Variants in KANSL1L observed in about 807,000 individuals in gnomAD.
KANSL1L encodes the protein KAT8 regulatory NSL complex subunit 1 like.
In KANSL1L, 25 loss-of-function variants were observed where a neutral mutation model predicts 108.6. The observed-to-expected ratio is 0.23, with a 90% CI of 0.17 to 0.32. The LOEUF (loss-of-function observed/expected upper bound fraction) is 0.32. Ranked by LOEUF, KANSL1L falls within the 10% of genes least tolerant of loss-of-function variation. The probability of loss-of-function intolerance (pLI) is 1.00; values close to 1 mark genes in which losing one functional copy is unlikely to be tolerated. For synonymous variants in KANSL1L, 405 were observed against 395.1 expected, an observed-to-expected ratio of 1.03 and a Z score of -0.30; for missense variants, 1,137 against 1,125.7, an observed-to-expected ratio of 1.01 and a Z score of -0.14.
At chr2:210,084,731 A>G (rs570845040) in intron 5 of KANSL1L, among the ~76,000 whole-genome samples, 12 of 152,104 alleles carry the variant, frequency 7.9e-5, no homozygotes, top group Admixed American at 2.0e-4. Context: ...CTCCTGCCTC[A>G]GCCTCCCAAG....
chr2:210,171,885 C>G (rs1462071480), upstream of KANSL1L: 1 of 151,972 alleles, frequency 6.6e-6, no homozygotes, highest in Non-Finnish European at 1.5e-5. Context: ...CGTGCGTTTG[C>G]TTTTATTTGG....
Position 210,075,582 on chromosome 2 carries a change from T to C in KANSL1L, c.1725A>G (p.Arg575=). The change falls in exon 6 of 15, where the codon AGA becomes AGG. Residue 575 remains arginine (R), a synonymous_variant. Transcript: ENST00000281772. ...GAGTCCAATAAAAAGTAGGGCTCAA[T>C]CTGTACAGTTTTCGTTTGTGGAAAC... ...LQSFHKRKLY[R]LSPTFYWTPQ... 1 of 1,614,076 alleles carries C rather than the reference T, an allele frequency of 6.2e-7. No individual in the cohort carries two copies. The highest frequency in any genetic ancestry group is 1.1e-5 in the South Asian group (1 of 91,082).
At chr2:210,026,723 G>T (rs962821295) in intron 12 of KANSL1L, among the ~76,000 whole-genome samples, 39 of 152,238 alleles carry the variant, frequency 2.6e-4, no homozygotes, top group African/African-American at 9.4e-4. Context: ...GGATATTCAC[G>T]TAAATTCAGT....
intron 5 of KANSL1L, among the ~76,000 whole-genome samples, chr2:210,082,789 TAAGTAA>T (rs1446021303): frequency 1.3e-5 from 2 of 152,120 alleles, no homozygotes; most frequent in African/African-American, 2.4e-5. Flanking sequence ...TTAAACTACT[TAAGTAA>T]AAGTAGAAAT....
chr2:210,154,688 G>T, intron 1 of KANSL1L, 77 bp from the exon 2 acceptor site: 1 of 810,078 alleles, frequency 1.2e-6, no homozygotes, highest in Non-Finnish European at 1.7e-6. Context: ...AGGGCAACAT[G>T]TTCAATGTTT....
At chr2:210,048,097 CAGT>C (rs2094245334) in intron 6 of KANSL1L, among the ~76,000 whole-genome samples, 2 of 152,318 alleles carry the variant, frequency 1.3e-5, no homozygotes, top group African/African-American at 4.8e-5. Flanking sequence ...TGTGCAGCCT[CAGT>C]ATTCATCAAA....
At chr2:210,095,873 C>A (rs1025502564) in intron 5 of KANSL1L, among the ~76,000 whole-genome samples, 1 of 151,874 alleles carries the variant, frequency 6.6e-6, no homozygotes, top group Non-Finnish European at 1.5e-5. Flanking sequence ...GATATTTTGA[C>A]AACAAATGGG....
At chr2:210,130,298 C>A (rs764170361) in intron 2 of KANSL1L, among the ~76,000 whole-genome samples, 2 of 152,160 alleles carry the variant, frequency 1.3e-5, no homozygotes, top group Non-Finnish European at 2.9e-5. Context: ...ACTTTCCATT[C>A]AGTTTTGCTG....
At chr2:210,069,162 C>T (rs1204138437) in intron 6 of KANSL1L, among the ~76,000 whole-genome samples, 1 of 152,146 alleles carries the variant, frequency 6.6e-6, no homozygotes, top group Non-Finnish European at 1.5e-5. Flanking sequence ...TTCTATTTTC[C>T]ACCTCACAGT....
chr2:210,163,846 C>T lies in KANSL1L; in HGVS notation c.-30+7303G>A, dbSNP rs555591571. ...CATGAAGGCAGGTGTTATGTGTTCACTCATCATCGTATTCTAGAATATTTT... is the reference window on the plus strand; with the variant it reads ...CATGAAGGCAGGTGTTATGTGTTCATTCATCATCGTATTCTAGAATATTTT... On this transcript the variant is annotated intron_variant, in intron 1 of 14. Transcript: ENST00000281772. Among the ~76,000 whole-genome samples, 3 of 152,178 alleles carry T rather than the reference C, an allele frequency of 2.0e-5. No individual in the cohort carries two copies. In the South Asian group the frequency reaches 6.2e-4, roughly 32 times the overall value.
intron 5 of KANSL1L, among the ~76,000 whole-genome samples, chr2:210,084,716 C>T (rs949025394): frequency 1.3e-5 from 2 of 152,014 alleles, no homozygotes; most frequent in Admixed American, 1.3e-4. Context: ...CAGGATCAAG[C>T]AATTCTCCTG....
At chr2:210,165,355 T>A (rs1687882150) in intron 1 of KANSL1L, among the ~76,000 whole-genome samples, 1 of 152,132 alleles carries the variant, frequency 6.6e-6, no homozygotes, top group Non-Finnish European at 1.5e-5. Context: ...CCGGTTTTTT[T>A]AAGAAGTCTT....
intron 2 of KANSL1L, among the ~76,000 whole-genome samples, chr2:210,133,634 A>G (rs1337041870): frequency 1.3e-5 from 2 of 151,880 alleles, no homozygotes; most frequent in Non-Finnish European, 2.9e-5. Context: ...TTTAAGTAGG[A>G]GACTTAGACC....
chr2:210,155,369 G>A (rs1038074371), intron 1 of KANSL1L: 10 of 152,132 alleles, frequency 6.6e-5, no homozygotes, highest in African/African-American at 1.7e-4. Flanking sequence ...CAGAGATCAC[G>A]CCAATGCACT....
chr2:210,040,926 C>T (rs994541290), intron 7 of KANSL1L, among the ~76,000 whole-genome samples: 8 of 152,084 alleles, frequency 5.3e-5, no homozygotes, highest in African/African-American at 1.9e-4. Context: ...CCATTCCATC[C>T]CATCCCTACA....
intron 1 of KANSL1L, among the ~76,000 whole-genome samples, chr2:210,167,164 G>C (rs1194028884): frequency 6.6e-6 from 1 of 151,996 alleles, no homozygotes; most frequent in Non-Finnish European, 1.5e-5. Flanking sequence ...AGGAATTAAT[G>C]GAAAGTAGGA....
intron 13 of KANSL1L, among the ~76,000 whole-genome samples, 200 bp from the exon 14 acceptor site, chr2:210,024,401 C>T (rs998044790): frequency 2.0e-5 from 3 of 151,928 alleles, no homozygotes; most frequent in South Asian, 2.1e-4. Context: ...AATATTTTAC[C>T]GAATTATAAC....
At chr2:210,098,615 A>G (rs537784258) in intron 4 of KANSL1L, among the ~76,000 whole-genome samples, 27 of 152,206 alleles carry the variant, frequency 1.8e-4, no homozygotes, top group African/African-American at 6.3e-4. Context: ...TTTACAACTA[A>G]CCAGCAAAGA....
At chr2:210,156,994 A>AG (rs961052648) in intron 1 of KANSL1L, among the ~76,000 whole-genome samples, 29 of 151,780 alleles carry the variant, frequency 1.9e-4, no homozygotes, top group African/African-American at 7.0e-4. Context: ...ATGCAAAAAA[A>AG]AAAAGAAAAA....
Sources: allele counts gnomAD v4.1 joint callset (sites outside exome capture counted in the v4.1 genomes callset), GRCh38; gene constraint gnomAD v4.1.1; transcripts MANE v1.5; gene names NCBI Gene and HGNC (gene_info 2026-07-23, HGNC 2026-07-21).